The following MYH14 variants were observed in gnomAD, a reference collection of about 807,000 sequenced individuals.
The protein encoded by MYH14 is myosin-14.
A neutral mutation model predicts 255.5 loss-of-function variants in MYH14; 123 were observed. That is an observed-to-expected ratio of 0.48 (90% CI 0.42 to 0.56). The LOEUF (loss-of-function observed/expected upper bound fraction) is 0.56. MYH14 is among the 20% of genes least tolerant of loss of function. MYH14 has a pLI of 0.00. For missense variants in MYH14, 2,423 were observed against 2,802.3 expected, an observed-to-expected ratio of 0.86 and a Z score of 3.06; for synonymous variants, 1,095 against 1,161.2, an observed-to-expected ratio of 0.94 and a Z score of 1.16.
chr19:50,227,465 C>G (rs975932822), intron 8 of MYH14, among the ~76,000 whole-genome samples: 8 of 152,104 alleles, frequency 5.3e-5, no homozygotes, highest in Non-Finnish European at 1.0e-4. Flanking sequence ...CCCCGTCCCC[C>G]GCCCTTAGTA....
chr19:50,251,557 C>G (rs1263216712), intron 15 of MYH14, among the ~76,000 whole-genome samples: 1 of 104,882 alleles, frequency 9.5e-6, no homozygotes, highest in South Asian at 2.9e-4. Flanking sequence ...CACACACACA[C>G]ACACACACAC....
intron 10 of MYH14, among the ~76,000 whole-genome samples, chr19:50,232,626 C>T (rs2033462117): frequency 6.8e-6 from 1 of 147,536 alleles, no homozygotes; most frequent in South Asian, 2.2e-4. Context: ...ACAAAAAGAC[C>T]ATGAGTGCCA....
chr19:50,278,726 G>A (rs1221471281), intron 30 of MYH14, among the ~76,000 whole-genome samples: 1 of 150,192 alleles, frequency 6.7e-6, no homozygotes, highest in African/African-American at 2.5e-5. Context: ...ATAATACCCA[G>A]TACTTTGGGA....
intron 10 of MYH14, among the ~76,000 whole-genome samples, chr19:50,237,030 C>G (rs554093630): frequency 6.6e-6 from 1 of 152,318 alleles, no homozygotes; most frequent in Non-Finnish European, 1.5e-5. Flanking sequence ...CATTTCATAG[C>G]AGTGAAATCA....
At chr19:50,206,508 C>T (rs2031763574) in intron 1 of MYH14, among the ~76,000 whole-genome samples, 1 of 152,030 alleles carries the variant, frequency 6.6e-6, no homozygotes, top group South Asian at 2.1e-4. Context: ...TGAGCCTTGA[C>T]GATTTGGGGG....
At position 50,267,078 on chromosome 19, in the gene MYH14, G is replaced by C. The variant is rs1051000448; in HGVS notation, c.2826+70G>C. ...GGCTGTGTCGCATGGGTGGAGCCAG[G>C]TGTGAGGGGCGGGGCTTCCGGCTGA... is the stretch of plus-strand genomic sequence containing the variant. On this transcript the variant is annotated intron_variant, in intron 23 of 42. Transcript: ENST00000642316. 7.8e-6 allele frequency: 11 copies of C among 1,413,706 alleles called. No homozygotes were observed. The African/African-American group carries it at 1.5e-4, about 20-fold the overall frequency. The allele number at this position is 1,413,706 out of a possible 1,614,324, so 87.6% of individuals were successfully genotyped here.
intron 39 of MYH14, among the ~76,000 whole-genome samples, chr19:50,301,197 C>G (rs996615188): frequency 6.6e-6 from 1 of 152,194 alleles, no homozygotes; most frequent in African/African-American, 2.4e-5. Context: ...GCATATAACA[C>G]CTGAGATGCC....
chr19:50,286,364 C>A, intron 33 of MYH14, 118 bp from the exon 34 acceptor site: 2 of 1,023,430 alleles, frequency 2.0e-6, no homozygotes, highest in Non-Finnish European at 2.8e-6. Context: ...TGTGTCTCTG[C>A]CTTTGTCTGT....
Position 50,293,290 on chromosome 19 carries a change from G to A in MYH14, c.5314G>A (p.Ala1772Thr), listed in dbSNP as rs1162636865. ...GGCCCAGCAGGACCGGGATGAGATG[G>A]CAGATGAGGTGGCCAATGGTAACCT... ...RQAQQDRDEM[A>T]DEVANGNLSK... Residue 1772 changes from alanine to threonine, a missense_variant, in exon 38 of 43, where the codon GCA becomes ACA. Around this residue, in one of 3 missense-constraint regions of MYH14, gnomAD observed 1,513 missense variants for 1,674.8 expected, o/e 0.90. Coordinates refer to ENST00000642316, the MANE Select transcript of MYH14 (RefSeq NM_001145809.2). The surrounding 1 kb of genome is among the most constrained non-coding windows in gnomAD (Gnocchi z 4.1). The A allele has an allele frequency of 1.9e-6, 3 of 1,608,724 alleles. No individual in the cohort carries two copies. The African/African-American group carries it at 4.0e-5, about 22-fold the overall frequency.
At chr19:50,223,446 G>A (rs939672549) in intron 5 of MYH14, 97 bp downstream of exon 5, 3 of 898,412 alleles carry the variant, frequency 3.3e-6, no homozygotes, top group Non-Finnish European at 5.4e-6. Context: ...CCTCATGGAG[G>A]TCCTTCTCCT....
chr19:50,233,582 G>A (rs1305257890), intron 10 of MYH14, among the ~76,000 whole-genome samples: 1 of 152,182 alleles, frequency 6.6e-6, no homozygotes, highest in Non-Finnish European at 1.5e-5. Flanking sequence ...TAAAACAACA[G>A]AAATTGATTG....
chr19:50,237,623 C>T (rs1052807685), intron 10 of MYH14, among the ~76,000 whole-genome samples: 3 of 152,170 alleles, frequency 2.0e-5, no homozygotes, highest in South Asian at 2.1e-4. Flanking sequence ...CCACCGCACC[C>T]GGCCATGAGC....
In MYH14 at chr19:50,252,726, C is replaced by T. The variant is rs376267080; in HGVS notation, c.1918C>T (p.Arg640Trp). The change falls in exon 16 of 43, where the codon CGG (arginine) becomes TGG (tryptophan). Residue 640 changes from arginine (R) to tryptophan (W), a missense_variant. Arg to Trp is a moderately radical substitution (Grantham distance 101, BLOSUM62 -3). This residue lies in a region of MYH14 where 672 missense variants were observed against 881.8 expected (regional missense o/e 0.76). Transcript: ENST00000642316. The surrounding 1 kb of genome is among the most constrained non-coding windows in gnomAD (Gnocchi z 4.2). ...AGCCTTGCTCCACCAGAGCACAGACCGGCTGACGGCAGAGATCTGGAAAGA... is the reference window on the plus strand; with the variant it reads ...AGCCTTGCTCCACCAGAGCACAGACTGGCTGACGGCAGAGATCTGGAAAGA... The part of the protein sequence containing the change: ...VAALLHQSTD[R>W]LTAEIWKDEH... 324 of 1,595,570 alleles carry T rather than the reference C, an allele frequency of 2.0e-4. 2 individuals are homozygous for T. The highest frequency in any genetic ancestry group is 1.9e-3 in the South Asian group (170 of 87,880).
In MYH14 at chr19:50,266,895, G is replaced by A. The variant is rs1460013181; in HGVS notation, c.2713G>A (p.Val905Met). The A allele has an allele frequency of 6.4e-7, 1 of 1,551,952 alleles. No individual in the cohort carries two copies. The highest frequency in any genetic ancestry group is 2.0e-5 in the Admixed American group (1 of 51,008). Reference sequence around the variant, plus strand: ...CACCTAGGTGAAGCCACTGCTGCAGGTGACGCGGCAGGATGAGGTGCTGCA... The same window carrying A: ...CACCTAGGTGAAGCCACTGCTGCAGATGACGCGGCAGGATGAGGTGCTGCA... ...LFTKVKPLLQ[V>M]TRQDEVLQAR... Residue 905 changes from valine to methionine, a missense_variant, in exon 23 of 43, where the codon GTG becomes ATG. By Grantham distance (21) the Val-to-Met change is conservative. This residue lies in a region of MYH14 where 1,513 missense variants were observed against 1,674.8 expected (regional missense o/e 0.90). Coordinates refer to ENST00000642316, the MANE Select transcript of MYH14 (RefSeq NM_001145809.2). This position sits in a 1 kb window ranked among gnomAD's most constrained non-coding sequence, Gnocchi z 4.1.
At chr19:50,228,344 A>C (rs2123223081) in intron 8 of MYH14, among the ~76,000 whole-genome samples, 1 of 152,276 alleles carries the variant, frequency 6.6e-6, no homozygotes, top group East Asian at 1.9e-4. Flanking sequence ...TTATTGACTA[A>C]TATTGATTGA....
chr19:50,302,890 A>G (rs1397631439), intron 40 of MYH14, among the ~76,000 whole-genome samples: 1 of 152,208 alleles, frequency 6.6e-6, no homozygotes, highest in Non-Finnish European at 1.5e-5. Flanking sequence ...AACAAGAGTG[A>G]AACTCCGCCT....
At chr19:50,288,591 A>G (rs2035967001) in intron 34 of MYH14, among the ~76,000 whole-genome samples, 1 of 152,232 alleles carries the variant, frequency 6.6e-6, no homozygotes, top group Non-Finnish European at 1.5e-5. Flanking sequence ...GGCCCATTCC[A>G]CGGACCGAAA....
At chr19:50,236,034 TA>T (rs34909309) in intron 10 of MYH14, among the ~76,000 whole-genome samples, 4 of 149,884 alleles carry the variant, frequency 2.7e-5, no homozygotes, top group Admixed American at 6.7e-5. Context: ...TTGGAACAAT[TA>T]AAAAAAAAAA....
chr19:50,281,424 G>T (rs1228960998), intron 32 of MYH14, among the ~76,000 whole-genome samples, 170 bp from the exon 33 acceptor site: 1 of 152,168 alleles, frequency 6.6e-6, no homozygotes, highest in East Asian at 1.9e-4. Context: ...AAGAACTAGG[G>T]CTCATAGTAT....
Sources: allele counts gnomAD v4.1 joint callset (sites outside exome capture counted in the v4.1 genomes callset), GRCh38; gene constraint gnomAD v4.1.1; regional missense constraint gnomAD v4.1.1; non-coding constraint Gnocchi (gnomAD v3.1); transcripts MANE v1.5; gene names NCBI Gene and HGNC (gene_info 2026-07-23, HGNC 2026-07-21).